CCDC38: variants seen among roughly 807,000 people sequenced by gnomAD.
CCDC38 encodes the protein coiled-coil domain containing 38, also known as coiled-coil domain-containing protein 38.
In CCDC38, 69 loss-of-function variants were observed where a neutral mutation model predicts 72.8. That is an observed-to-expected ratio of 0.95 (90% CI 0.78 to 1.16). The LOEUF (loss-of-function observed/expected upper bound fraction) is 1.16, where lower values mean the gene tolerates loss of function less well. Ranked by LOEUF, CCDC38 falls within the 50% of genes most tolerant of loss-of-function variation. CCDC38 has a pLI of 0.00. For synonymous variants in CCDC38, 201 were observed against 213.2 expected, an observed-to-expected ratio of 0.94 and a Z score of 0.50; for missense variants, 626 against 638.9, an observed-to-expected ratio of 0.98 and a Z score of 0.22.
At chr12:95,940,321 G>A (rs958949019) in intron 1 of CCDC38, among the ~76,000 whole-genome samples, 3 of 152,132 alleles carry the variant, frequency 2.0e-5, no homozygotes, top group Non-Finnish European at 4.4e-5. Flanking sequence ...TGAGCTCCAG[G>A]GGAAGTGGGG....
chr12:95,868,268 C>T (rs1252725132), intron 15 of CCDC38, among the ~76,000 whole-genome samples: 1 of 151,980 alleles, frequency 6.6e-6, no homozygotes, highest in Middle Eastern at 3.2e-3. Context: ...ATCAAGTATC[C>T]ATGATGTGCC....
intron 4 of CCDC38, among the ~76,000 whole-genome samples, chr12:95,909,046 T>C (rs986675598): frequency 3.0e-4 from 45 of 151,704 alleles, no homozygotes; most frequent in Non-Finnish European, 4.4e-4. Flanking sequence ...ATAACTAAAA[T>C]CAGAGCAGAA....
chr12:95,919,934 T>TA (rs1024904923), intron 2 of CCDC38, among the ~76,000 whole-genome samples: 2 of 152,184 alleles, frequency 1.3e-5, no homozygotes, highest in Non-Finnish European at 2.9e-5. Context: ...GGCAGTTCCT[T>TA]AAAAAGTTGA....
At chr12:95,890,960 CAG>C (rs1272581268) in intron 8 of CCDC38, 30 bp from the exon 9 acceptor site, 1 of 1,272,232 alleles carries the variant, frequency 7.9e-7, no homozygotes, top group Non-Finnish European at 1.1e-6. Context: ...AGGAGAGAGA[CAG>C]AGAAAGATGG....
chr12:95,938,917 C>T (rs571338764), intron 1 of CCDC38, among the ~76,000 whole-genome samples: 20 of 152,238 alleles, frequency 1.3e-4, no homozygotes, highest in African/African-American at 3.9e-4. Flanking sequence ...ATCCAACTTC[C>T]AATAGATGAA....
chr12:95,908,775 C>T (rs1299784695), intron 4 of CCDC38, among the ~76,000 whole-genome samples: 1 of 150,056 alleles, frequency 6.7e-6, no homozygotes, highest in African/African-American at 2.5e-5. Context: ...TAATGTTTGG[C>T]CAATCTACAC....
intron 10 of CCDC38, among the ~76,000 whole-genome samples, 164 bp downstream of exon 10, chr12:95,888,294 G>A (rs779909246): frequency 6.6e-6 from 1 of 152,206 alleles, no homozygotes; most frequent in Non-Finnish European, 1.5e-5. Context: ...AGATTGGAGA[G>A]AGGCCTGTGA....
chr12:95,872,151 G>C, intron 14 of CCDC38, 104 bp downstream of exon 14: 1 of 983,498 alleles, frequency 1.0e-6, no homozygotes, highest in South Asian at 1.5e-5. Flanking sequence ...CCTCCTCACT[G>C]TGTCCCTATA....
chr12:95,928,287 C>T (rs893500319), intron 2 of CCDC38, among the ~76,000 whole-genome samples: 5 of 152,172 alleles, frequency 3.3e-5, no homozygotes, highest in African/African-American at 1.2e-4. Flanking sequence ...ATTTCATTCA[C>T]TTCATCTTCC....
intron 2 of CCDC38, chr12:95,933,434 A>AAG (rs2080358876): frequency 6.6e-6 from 1 of 152,238 alleles, no homozygotes; most frequent in African/African-American, 2.4e-5. Flanking sequence ...TAAACATATG[A>AAG]AGAGTTGTTC....
At chr12:95,927,817 T>C (rs980832985) in intron 2 of CCDC38, among the ~76,000 whole-genome samples, 7 of 149,586 alleles carry the variant, frequency 4.7e-5, no homozygotes, top group Non-Finnish European at 7.4e-5. Context: ...TGGCTGGATA[T>C]GAAATTCTGG....
intron 1 of CCDC38, among the ~76,000 whole-genome samples, chr12:95,939,237 A>G (rs1378786254): frequency 6.6e-6 from 1 of 152,244 alleles, no homozygotes; most frequent in African/African-American, 2.4e-5. Flanking sequence ...TTTCAGGAAC[A>G]GTAAGGACAC....
At position 95,904,885 on chromosome 12, in the gene CCDC38, G is replaced by C. The variant is rs183023419; in HGVS notation, c.369+1502C>G. On this transcript the variant is annotated intron_variant, in intron 5 of 15. Transcript: ENST00000344280. ...TAAGTATGATATAGATTACCACCCG[G>C]AAGTCAAGAGCAAAGGCCAGACTCT... 1.6e-4 allele frequency among the ~76,000 whole-genome samples: 24 copies of C among 152,254 alleles called. No homozygotes were observed. In the East Asian group the frequency reaches 2.9e-3, roughly 18 times the overall value.
chr12:95,898,762 C>T (rs1207263682), intron 5 of CCDC38, 31 bp from the exon 6 acceptor site: 1 of 1,594,790 alleles, frequency 6.3e-7, no homozygotes, highest in Non-Finnish European at 8.5e-7. Flanking sequence ...GGTGTAAAAA[C>T]ATGATTCCAC....
chr12:95,902,195 A>G (rs530587719), intron 5 of CCDC38, among the ~76,000 whole-genome samples: 3 of 152,110 alleles, frequency 2.0e-5, no homozygotes, highest in South Asian at 2.1e-4. Flanking sequence ...CATTTTCATA[A>G]TTTTTTTCTA....
chr12:95,887,417 A>T (rs540088954), intron 10 of CCDC38, among the ~76,000 whole-genome samples: 56 of 152,360 alleles, frequency 3.7e-4, no homozygotes, highest in Non-Finnish European at 7.9e-4. Context: ...TATACTACTC[A>T]TCAATAAAAA....
intron 4 of CCDC38, among the ~76,000 whole-genome samples, chr12:95,915,142 T>C (rs2080131722): frequency 6.6e-6 from 1 of 152,148 alleles, no homozygotes; most frequent in Non-Finnish European, 1.5e-5. Flanking sequence ...TCTGGCTGAG[T>C]TGATAGAATT....
intron 13 of CCDC38, among the ~76,000 whole-genome samples, chr12:95,873,488 C>A (rs1049156905): frequency 3.3e-5 from 5 of 152,142 alleles, no homozygotes; most frequent in African/African-American, 4.8e-5. Context: ...CTTGCTGATC[C>A]CTGTACCTCG....
At chr12:95,940,494 C>T (rs1169291796) in intron 1 of CCDC38, among the ~76,000 whole-genome samples, 2 of 152,170 alleles carry the variant, frequency 1.3e-5, no homozygotes, top group African/African-American at 2.4e-5. Flanking sequence ...CAGATGATCT[C>T]AATGTGAGAT....
Sources: allele counts gnomAD v4.1 joint callset (sites outside exome capture counted in the v4.1 genomes callset), GRCh38; gene constraint gnomAD v4.1.1; transcripts MANE v1.5; gene names NCBI Gene and HGNC (gene_info 2026-07-23, HGNC 2026-07-21).